MCUB: variants seen among roughly 807,000 people sequenced by gnomAD.
The protein encoded by MCUB is mitochondrial calcium uniporter dominant negative subunit beta, also known as calcium uniporter regulatory subunit MCUb, mitochondrial.
In MCUB, 46 loss-of-function variants were observed where a neutral mutation model predicts 41.4. That is an observed-to-expected ratio of 1.11 (90% confidence interval 0.88 to 1.42). MCUB has a LOEUF of 1.42. MCUB is among the 40% of genes most tolerant of loss of function. The pLI is 0.00. For synonymous variants in MCUB, 148 were observed against 148.2 expected, an observed-to-expected ratio of 1.00 and a Z score of 0.01; for missense variants, 403 against 404.9, an observed-to-expected ratio of 1.00 and a Z score of 0.04.
intron 4 of MCUB, among the ~76,000 whole-genome samples, chr4:109,679,547 G>A (rs1453989944): frequency 2.0e-5 from 3 of 152,184 alleles, no homozygotes; most frequent in South Asian, 2.1e-4. Context: ...TCAGCAGGCC[G>A]AGGCAGGGAG....
intron 1 of MCUB, among the ~76,000 whole-genome samples, chr4:109,649,106 T>A (rs1728904244): frequency 6.6e-6 from 1 of 152,224 alleles, no homozygotes; most frequent in Non-Finnish European, 1.5e-5. Context: ...TGAAAGCCTA[T>A]GAGTAGTTAA....
intron 1 of MCUB, among the ~76,000 whole-genome samples, chr4:109,654,484 G>T (rs920830766): frequency 6.6e-6 from 1 of 152,036 alleles, no homozygotes; most frequent in African/African-American, 2.4e-5. Context: ...CGTGGTGGGC[G>T]CCTGTAATCC....
At chr4:109,643,266 A>T (rs989890528) in intron 1 of MCUB, among the ~76,000 whole-genome samples, 2 of 119,022 alleles carry the variant, frequency 1.7e-5, no homozygotes, top group African/African-American at 7.2e-5. Context: ...GCTCACGGCA[A>T]CTTCTGCCTC....
In MCUB at chr4:109,566,639, A is replaced by G. The variant is rs142678128; in HGVS notation, c.99+6203A>G. Among the ~76,000 whole-genome samples, 296 of 152,318 alleles carry G rather than the reference A, an allele frequency of 1.9e-3. 2 individuals carry two copies. The highest frequency in any genetic ancestry group is 6.9e-3 in the African/African-American group (287 of 41,582). ...AATGGTGTATTTATATTCCCCTGGTAAAACAACAAAATGGCAATTTTAGGG... is the reference window on the plus strand; with the variant it reads ...AATGGTGTATTTATATTCCCCTGGTGAAACAACAAAATGGCAATTTTAGGG... On this transcript the variant is annotated intron_variant, in intron 1 of 7. Transcript: ENST00000394650.
intron 4 of MCUB, 21 bp from the exon 5 acceptor site, chr4:109,682,561 T>C: frequency 1.3e-6 from 2 of 1,586,108 alleles, no homozygotes; most frequent in Non-Finnish European, 1.7e-6. Flanking sequence ...ACTGGCTTGT[T>C]TCCCTTGTGT....
chr4:109,640,340 A>G lies in MCUB; in HGVS notation c.100-18671A>G, dbSNP rs977194131. Among the ~76,000 whole-genome samples, 3 of 152,212 alleles carry G rather than the reference A, an allele frequency of 2.0e-5. 1 individual carries two copies. Among genetic ancestry groups the G allele is most frequent in the Admixed American group, 1.3e-4 (2 of 15,282 alleles). On this transcript the variant is annotated intron_variant, in intron 1 of 7. Coordinates refer to ENST00000394650, the MANE Select transcript of MCUB (RefSeq NM_017918.5). ...TGTATATGTGCAGGTCACAGGGGAT[A>G]TGATGGCTTAGCTTGGGCTCAGAGG...
In MCUB at chr4:109,660,185, T is replaced by C. The variant is rs1188873028; in HGVS notation, c.176-10T>C. The C allele has an allele frequency of 7.3e-6, 10 of 1,377,050 alleles. No individual in the cohort carries two copies. The highest frequency in any genetic ancestry group is 7.9e-6 in the Non-Finnish European group (8 of 1,014,904). The allele number at this position is 1,377,050 out of a possible 1,614,324, so 85.3% of individuals were successfully genotyped here. A position where few individuals can be genotyped will look rare whatever the true frequency, so the allele number is the denominator to read the frequency against. On this transcript the variant is annotated splice_polypyrimidine_tract_variant and intron_variant, in intron 2 of 7. Coordinates refer to ENST00000394650, the MANE Select transcript of MCUB (RefSeq NM_017918.5). The stretch of plus-strand genomic sequence containing the variant: ...ATTTACTCATTTTTTTTTCTTTTTT[T>C]CCTTAACAGAAATAACAGTTATTTA...
intron 1 of MCUB, among the ~76,000 whole-genome samples, chr4:109,561,230 G>C (rs947301677): frequency 6.6e-6 from 1 of 152,166 alleles, no homozygotes; most frequent in Non-Finnish European, 1.5e-5. Flanking sequence ...GTGTGTGGTT[G>C]GGGAGGGAGC....
At chr4:109,565,557 T>G (rs1382522213) in intron 1 of MCUB, among the ~76,000 whole-genome samples, 1 of 152,220 alleles carries the variant, frequency 6.6e-6, no homozygotes, top group East Asian at 1.9e-4. Flanking sequence ...AGCTGGTGTG[T>G]GTTTAAAAAA....
At chr4:109,634,866 C>T (rs1327857212) in intron 1 of MCUB, among the ~76,000 whole-genome samples, 1 of 152,110 alleles carries the variant, frequency 6.6e-6, no homozygotes, top group Non-Finnish European at 1.5e-5. Flanking sequence ...AGGTTCGTTA[C>T]ATAGGTATAC....
At chr4:109,623,800 C>G (rs6849691) in intron 1 of MCUB, among the ~76,000 whole-genome samples, 108,138 of 152,154 alleles carry the variant, frequency 0.71, 38,854 homozygotes, top group African/African-American at 0.8. Context: ...GAACTGTTTT[C>G]TTCCACAGGC....
At chr4:109,582,828 C>A (rs903025842) in intron 1 of MCUB, among the ~76,000 whole-genome samples, 5 of 152,146 alleles carry the variant, frequency 3.3e-5, no homozygotes, top group African/African-American at 9.7e-5. Flanking sequence ...AAAGGGAATC[C>A]TTTCCCTATT....
intron 4 of MCUB, among the ~76,000 whole-genome samples, chr4:109,673,489 C>G (rs954815481): frequency 6.6e-6 from 1 of 152,204 alleles, no homozygotes; most frequent in Non-Finnish European, 1.5e-5. Flanking sequence ...TCCCTGTAAC[C>G]TCAGCTTATG....
intron 1 of MCUB, among the ~76,000 whole-genome samples, chr4:109,634,993 C>A (rs992272005): frequency 1.2e-4 from 18 of 152,048 alleles, no homozygotes; most frequent in African/African-American, 4.1e-4. Context: ...TGATGTTCCC[C>A]TCCCTGTGTC....
chr4:109,569,807 C>G (rs1209132141), intron 1 of MCUB, among the ~76,000 whole-genome samples: 1 of 152,096 alleles, frequency 6.6e-6, no homozygotes, highest in African/African-American at 2.4e-5. Context: ...CTGGCCAGGT[C>G]TCTGTGTTAC....
intron 1 of MCUB, among the ~76,000 whole-genome samples, chr4:109,577,703 G>A (rs1258210529): frequency 8.7e-5 from 3 of 34,460 alleles, no homozygotes; most frequent in East Asian, 9.6e-4. Flanking sequence ...TCCGCCCCCC[G>A]GGGTTCACGC....
intron 3 of MCUB, among the ~76,000 whole-genome samples, chr4:109,661,255 A>G (rs1729226279): frequency 6.6e-6 from 1 of 152,204 alleles, no homozygotes; most frequent in Non-Finnish European, 1.5e-5. Context: ...AGAATTATTT[A>G]CCCTATCCCA....
At chr4:109,612,923 G>A (rs552560429) in intron 1 of MCUB, among the ~76,000 whole-genome samples, 141 of 152,136 alleles carry the variant, frequency 9.3e-4, no homozygotes, top group Middle Eastern at 3.4e-3. Context: ...TGGCTAACAC[G>A]GTGAAATCCC....
chr4:109,595,197 A>G (rs1387977083), intron 1 of MCUB, among the ~76,000 whole-genome samples: 2 of 152,086 alleles, frequency 1.3e-5, no homozygotes, highest in Non-Finnish European at 2.9e-5. Context: ...TGTCCCAGCC[A>G]TGTTCCCTTA....
Sources: gnomAD v4.1 joint callset for allele counts (sites outside exome capture counted in the v4.1 genomes callset) on GRCh38, gnomAD v4.1.1 for gene constraint, MANE v1.5 for transcripts, NCBI Gene and HGNC (gene_info 2026-07-23, HGNC 2026-07-21) for gene names.